The following ALPL variants were observed in gnomAD, a reference collection of about 807,000 sequenced individuals.
ALPL encodes alkaline phosphatase, tissue-nonspecific isozyme.
A neutral mutation model predicts 51.3 loss-of-function variants in ALPL; 42 were observed. The ratio of observed to expected loss-of-function variants is 0.82; its 90% CI spans 0.64 to 1.06. The LOEUF is 1.06. Ranked by LOEUF, ALPL falls within the 50% of genes least tolerant of loss-of-function variation. The pLI is 0.00. For synonymous variants in ALPL, 279 were observed against 296.4 expected (o/e 0.94, Z 0.60); for missense variants, 589 against 709.4 (o/e 0.83, Z 1.93).
chr1:21,534,807 A>G (rs2148097839), intron 1 of ALPL, among the ~76,000 whole-genome samples: 1 of 152,302 alleles, frequency 6.6e-6, no homozygotes, highest in South Asian at 2.1e-4. Context: ...CTGAAACCCT[A>G]TCCCTCCTTA....
At chr1:21,547,736 T>C (rs1644271647) in intron 1 of ALPL, among the ~76,000 whole-genome samples, 1 of 152,190 alleles carries the variant, frequency 6.6e-6, no homozygotes, top group Admixed American at 6.5e-5. Flanking sequence ...AAACCCTCTG[T>C]TGGGTTTCCT....
At position 21,545,588 on chromosome 1, in the gene ALPL, GCCA is replaced by G. The variant is rs1644243755; in HGVS notation, c.-104-8386_-104-8384del. Among the ~76,000 whole-genome samples, 3 of 151,974 alleles carry G rather than the reference GCCA, an allele frequency of 2.0e-5. No individual in the cohort carries two copies. In the South Asian group the frequency reaches 6.2e-4, roughly 31 times the overall value. On this transcript the variant is annotated intron_variant, in intron 1 of 11. Coordinates refer to ENST00000374840, the MANE Select transcript of ALPL (RefSeq NM_000478.6). The stretch of plus-strand genomic sequence containing the variant: ...TTACAGGAGTGAGCCACCATGCCCA[GCCA>G]CCAATTACCAAGTTTTAGCCAATCA...
intron 1 of ALPL, among the ~76,000 whole-genome samples, chr1:21,535,067 C>G (rs112119210): frequency 6.6e-6 from 1 of 152,176 alleles, no homozygotes; most frequent in Non-Finnish European, 1.5e-5. Flanking sequence ...TAGAACAGCC[C>G]CTGGCATATT....
chr1:21,514,156 C>T (rs7521331), intron 1 of ALPL, among the ~76,000 whole-genome samples: 49,381 of 152,044 alleles, frequency 0.32, 8,778 homozygotes, highest in East Asian at 0.47. Context: ...TTTCCTGCTT[C>T]GGTGGTCCTC....
intron 7 of ALPL, 57 bp from the exon 8 acceptor site, chr1:21,570,248 C>T: frequency 6.5e-7 from 1 of 1,538,794 alleles, no homozygotes; most frequent in Non-Finnish European, 9.0e-7. Context: ...CTGCTGGGGT[C>T]AGTCCTTCCG....
chr1:21,534,164 C>T (rs1158759075), intron 1 of ALPL, among the ~76,000 whole-genome samples: 1 of 152,094 alleles, frequency 6.6e-6, no homozygotes, highest in Admixed American at 6.6e-5. Context: ...TTTGTAGAGA[C>T]AGGATTTCGC....
chr1:21,511,933 A>G (rs1017462746), intron 1 of ALPL, among the ~76,000 whole-genome samples: 1 of 152,244 alleles, frequency 6.6e-6, no homozygotes, highest in African/African-American at 2.4e-5. Flanking sequence ...TTCCAAATCT[A>G]GCAATCTCCA....
In ALPL at chr1:21,560,756, G is replaced by C; in HGVS notation, c.181+11G>C. The stretch of plus-strand genomic sequence containing the variant: ...TGTTCCTGGGAGATGGTGAGGCCCA[G>C]GGGCCTGTGGGAGGGGTGGAACAGG... On this transcript the variant is annotated intron_variant, in intron 3 of 11. Coordinates refer to ENST00000374840, the MANE Select transcript of ALPL (RefSeq NM_000478.6). The C allele has an allele frequency of 6.2e-7, 1 of 1,613,996 alleles. No individual in the cohort carries two copies. Among genetic ancestry groups the C allele is most frequent in the Non-Finnish European group, 8.5e-7 (1 of 1,179,978 alleles).
chr1:21,555,217 ATT>A, intron 2 of ALPL, among the ~76,000 whole-genome samples: 1 of 152,182 alleles, frequency 6.6e-6, no homozygotes, highest in African/African-American at 2.4e-5. Flanking sequence ...AGGAGAAGGA[ATT>A]TCACAAGGTA....
intron 1 of ALPL, among the ~76,000 whole-genome samples, chr1:21,552,093 C>T: frequency 1.4e-5 from 1 of 69,998 alleles, no homozygotes; most frequent in Non-Finnish European, 2.9e-5. Context: ...TCTCCCTTCC[C>T]TTCCCTTCCC....
intron 1 of ALPL, among the ~76,000 whole-genome samples, chr1:21,523,806 C>CT (rs1315438664): frequency 6.6e-6 from 1 of 152,126 alleles, no homozygotes; most frequent in Non-Finnish European, 1.5e-5. Flanking sequence ...GCTCGTGGAG[C>CT]TAGTGGGTGG....
intron 1 of ALPL, among the ~76,000 whole-genome samples, chr1:21,538,314 C>G (rs1644136633): frequency 6.6e-6 from 1 of 152,188 alleles, no homozygotes; most frequent in Non-Finnish European, 1.5e-5. Context: ...CCCTGCCCTA[C>G]TATGTCCCAA....
Position 21,575,904 on chromosome 1 carries a change from C to T in ALPL, c.1169C>T (p.Pro390Leu). ...GTCTTCACATTTGGTGGATACACCC[C>T]CCGTGGCAACTCTATCTTTGGTAGG... ...SHVFTFGGYT[P>L]RGNSIFGLAP... The change falls in exon 10 of 12, where the codon CCC becomes CTC. Residue 390 changes from proline to leucine, a missense_variant. Pro to Leu is a moderately conservative substitution (Grantham distance 98, BLOSUM62 -3). Transcript: ENST00000374840. The T allele has an allele frequency of 1.2e-6, 2 of 1,614,198 alleles. No homozygotes were observed. The highest frequency in any genetic ancestry group is 1.7e-6 in the Non-Finnish European group (2 of 1,180,028).
chr1:21,541,556 T>C (rs1014216271), intron 1 of ALPL, among the ~76,000 whole-genome samples: 3 of 152,208 alleles, frequency 2.0e-5, no homozygotes, highest in African/African-American at 7.2e-5. Context: ...GCTGCTGCCA[T>C]CAGCAGAGCA....
chr1:21,533,064 G>A (rs1021820006), intron 1 of ALPL, among the ~76,000 whole-genome samples: 1 of 152,148 alleles, frequency 6.6e-6, no homozygotes, highest in African/African-American at 2.4e-5. Flanking sequence ...GCCCTTCCTG[G>A]GTCAGCACTT....
Position 21,560,853 on chromosome 1 carries a change from G to A in ALPL, c.181+108G>A. 3 of 1,441,328 alleles carry A rather than the reference G, an allele frequency of 2.1e-6. No individual in the cohort carries two copies. In the Admixed American group the frequency reaches 5.9e-5, roughly 29 times the overall value. 89.3% of individuals were successfully genotyped at this position (1,441,328 alleles called of 1,614,324 possible). Reference sequence around the variant, plus strand: ...GTGTTGAAGGGGCTAGGGCTCTGGAGGAAGGGTGTTTAAAAGGATGAGGGG... The same window carrying A: ...GTGTTGAAGGGGCTAGGGCTCTGGAAGAAGGGTGTTTAAAAGGATGAGGGG... On this transcript the variant is annotated intron_variant, in intron 3 of 11. Transcript: ENST00000374840.
At chr1:21,561,982 A>G (rs1190646309) in intron 4 of ALPL, among the ~76,000 whole-genome samples, 1 of 152,166 alleles carries the variant, frequency 6.6e-6, no homozygotes, top group Non-Finnish European at 1.5e-5. Flanking sequence ...ACACTTTTGC[A>G]TGAAGTTCCA....
At chr1:21,521,557 G>A (rs931907631) in intron 1 of ALPL, among the ~76,000 whole-genome samples, 26 of 152,196 alleles carry the variant, frequency 1.7e-4, no homozygotes, top group African/African-American at 6.0e-4. Context: ...GGGAAGCCTG[G>A]GAGGGATGCC....
chr1:21,570,100 T>C (rs1039248076), intron 7 of ALPL, among the ~76,000 whole-genome samples: 6 of 152,198 alleles, frequency 3.9e-5, no homozygotes, highest in Non-Finnish European at 7.3e-5. Context: ...CTGGGCTCTA[T>C]CAGAATTCTC....
Sources: allele counts gnomAD v4.1 joint callset (sites outside exome capture counted in the v4.1 genomes callset), GRCh38; gene constraint gnomAD v4.1.1; transcripts MANE v1.5; gene names NCBI Gene and HGNC (gene_info 2026-07-23, HGNC 2026-07-21).